Variants in EEFSEC observed in about 807,000 individuals in gnomAD.
EEFSEC encodes the protein eukaryotic elongation factor, selenocysteine-tRNA specific.
EEFSEC carries 43 observed loss-of-function variants against 42.1 expected under a neutral mutation model. The observed-to-expected ratio is 1.02, with a 90% confidence interval of 0.80 to 1.32. EEFSEC has a LOEUF of 1.32. Among genes scored for constraint, EEFSEC ranks in the 40% most tolerant of loss-of-function variants. The pLI is 0.00. For missense variants in EEFSEC, 745 were observed against 803.6 expected (o/e 0.93, Z 0.88); for synonymous variants, 354 against 339.1 (o/e 1.04, Z -0.48).
intron 6 of EEFSEC, among the ~76,000 whole-genome samples, chr3:128,372,063 G>A (rs1337032143): frequency 3.9e-5 from 6 of 152,360 alleles, no homozygotes; most frequent in South Asian, 4.1e-4. Flanking sequence ...AAACTTTCCA[G>A]ATTTGCCAGT....
chr3:128,189,970 C>T (rs1182109316), intron 1 of EEFSEC, among the ~76,000 whole-genome samples: 1 of 152,194 alleles, frequency 6.6e-6, no homozygotes, highest in African/African-American at 2.4e-5. Flanking sequence ...TCAAGCAGTT[C>T]TCCTGCCTCA....
intron 5 of EEFSEC, among the ~76,000 whole-genome samples, chr3:128,344,179 A>T (rs952741306): frequency 6.6e-6 from 1 of 152,158 alleles, no homozygotes; most frequent in Non-Finnish European, 1.5e-5. Context: ...TCTGTGCCAC[A>T]TGCTCTCCTC....
At chr3:128,191,548 C>G (rs565623538) in intron 1 of EEFSEC, among the ~76,000 whole-genome samples, 1 of 152,300 alleles carries the variant, frequency 6.6e-6, no homozygotes, top group African/African-American at 2.4e-5. Context: ...TGTTGTGCAA[C>G]TGTCACCACT....
intron 1 of EEFSEC, among the ~76,000 whole-genome samples, chr3:128,191,698 T>TA (rs2065526289): frequency 6.6e-6 from 1 of 152,236 alleles, no homozygotes; most frequent in African/African-American, 2.4e-5. Context: ...GGAACTCATA[T>TA]AAGCAGAATC....
downstream of EEFSEC, among the ~76,000 whole-genome samples, chr3:128,411,630 A>G (rs1371896065): frequency 1.3e-5 from 2 of 152,072 alleles, no homozygotes; most frequent in East Asian, 3.9e-4. Context: ...ACATCCTGCC[A>G]TGGGCTGGGG....
intron 2 of EEFSEC, among the ~76,000 whole-genome samples, chr3:128,252,926 C>T (rs1357988339): frequency 2.6e-5 from 4 of 152,110 alleles, no homozygotes; most frequent in Non-Finnish European, 5.9e-5. Context: ...TGTGCAGCTG[C>T]CGTCTCTGGC....
At chr3:128,224,680 CT>C (rs2065891583) in intron 1 of EEFSEC, among the ~76,000 whole-genome samples, 1 of 152,136 alleles carries the variant, frequency 6.6e-6, no homozygotes, top group South Asian at 2.1e-4. Flanking sequence ...CCCCTGAATA[CT>C]TATGTATATA....
chr3:128,296,373 C>T (rs2066706226), intron 4 of EEFSEC, among the ~76,000 whole-genome samples: 1 of 152,154 alleles, frequency 6.6e-6, no homozygotes, highest in South Asian at 2.1e-4. Flanking sequence ...ACTCTGTCCT[C>T]ATCCTGGCCA....
chr3:128,233,742 G>A (rs1020488388), intron 1 of EEFSEC, among the ~76,000 whole-genome samples: 8 of 152,152 alleles, frequency 5.3e-5, no homozygotes, highest in African/African-American at 1.9e-4. Flanking sequence ...GCAGACAGGC[G>A]ATATTGCTTA....
chr3:128,197,817 C>T (rs180865100), intron 1 of EEFSEC, among the ~76,000 whole-genome samples: 379 of 152,204 alleles, frequency 2.5e-3, no homozygotes, highest in Non-Finnish European at 4.6e-3. Context: ...CCAGGTCCCC[C>T]GGTTTTGGTA....
At chr3:128,412,677 C>T (rs1238653885), downstream of EEFSEC, among the ~76,000 whole-genome samples, 1 of 152,244 alleles carries the variant, frequency 6.6e-6, no homozygotes, top group Non-Finnish European at 1.5e-5. Flanking sequence ...CAGGAGCCTC[C>T]ACACAGGCAG....
intron 1 of EEFSEC, among the ~76,000 whole-genome samples, chr3:128,204,788 A>G (rs2065676200): frequency 6.6e-6 from 1 of 152,148 alleles, no homozygotes; most frequent in East Asian, 1.9e-4. Flanking sequence ...TCCCGAGCTC[A>G]GTGAGACCCT....
intron 6 of EEFSEC, among the ~76,000 whole-genome samples, chr3:128,398,989 G>A (rs183783696): frequency 3.3e-5 from 5 of 152,124 alleles, no homozygotes; most frequent in East Asian, 1.9e-4. Context: ...ACTTTCCTCC[G>A]CAGAGGCTGC....
chr3:128,159,907 G>A (rs1216195172), intron 1 of EEFSEC, among the ~76,000 whole-genome samples: 4 of 152,176 alleles, frequency 2.6e-5, no homozygotes, highest in Non-Finnish European at 5.9e-5. Flanking sequence ...TTCTTCATGT[G>A]TTTACTTGTT....
intron 1 of EEFSEC, among the ~76,000 whole-genome samples, chr3:128,221,417 C>T (rs373003912): frequency 6.6e-6 from 1 of 152,192 alleles, no homozygotes; most frequent in African/African-American, 2.4e-5. Flanking sequence ...GATTAAATTG[C>T]TTGCTTTGCG....
At chr3:128,278,718 TGGGGGA>T in intron 4 of EEFSEC, among the ~76,000 whole-genome samples, 1 of 152,222 alleles carries the variant, frequency 6.6e-6, no homozygotes, top group South Asian at 2.1e-4. Context: ...TTGTTCATGG[TGGGGGA>T]GCCTTCCTAG....
At chr3:128,223,790 A>C (rs770522262) in intron 1 of EEFSEC, among the ~76,000 whole-genome samples, 1 of 152,208 alleles carries the variant, frequency 6.6e-6, no homozygotes, top group Non-Finnish European at 1.5e-5. Flanking sequence ...ATGTGCGTGC[A>C]TGTTGTGTGA....
intron 1 of EEFSEC, among the ~76,000 whole-genome samples, chr3:128,241,341 G>A (rs2066069166): frequency 6.6e-6 from 1 of 151,514 alleles, no homozygotes; most frequent in Admixed American, 6.6e-5. Flanking sequence ...TCCCAAGTAG[G>A]TGGGATTACA....
At chr3:128,300,402 G>C (rs2066753972) in intron 4 of EEFSEC, among the ~76,000 whole-genome samples, 1 of 152,098 alleles carries the variant, frequency 6.6e-6, no homozygotes, top group African/African-American at 2.4e-5. Context: ...AAGAGATCGA[G>C]GCCAACATGG....
Sources: gnomAD v4.1 joint callset for allele counts (sites outside exome capture counted in the v4.1 genomes callset) on GRCh38, gnomAD v4.1.1 for gene constraint, MANE v1.5 for transcripts, NCBI Gene and HGNC (gene_info 2026-07-23, HGNC 2026-07-21) for gene names.